ATP6V1C1: variants seen among roughly 807,000 people sequenced by gnomAD.
ATP6V1C1 encodes the protein ATPase H+ transporting V1 subunit C1.
In ATP6V1C1, 45 loss-of-function variants were observed where a neutral mutation model predicts 53.9. That is an observed-to-expected ratio of 0.83 (90% CI 0.66 to 1.07). The LOEUF (loss-of-function observed/expected upper bound fraction) is 1.07. ATP6V1C1 is among the 50% of genes least tolerant of loss of function. The probability of loss-of-function intolerance (pLI) is 0.00; values close to 1 mark genes in which losing one functional copy is unlikely to be tolerated. For synonymous variants in ATP6V1C1, 153 were observed against 155.2 expected (o/e 0.99, Z 0.11); for missense variants, 315 against 440.3 (o/e 0.72, Z 2.55).
At chr8:103,068,380 AGGTTGGTGGGATCATGCTAAATACATAT>A (rs2131407317) in intron 12 of ATP6V1C1, among the ~76,000 whole-genome samples, 1 of 152,370 alleles carries the variant, frequency 6.6e-6, no homozygotes, top group Non-Finnish European at 1.5e-5. Context: ...TACATAAAAA[AGGTTGGTGGGATCATGCTAAATACATAT>A]GCAGTCAGAA....
intron 5 of ATP6V1C1, among the ~76,000 whole-genome samples, chr8:103,052,530 T>A (rs1817218222): frequency 6.6e-6 from 1 of 152,000 alleles, no homozygotes; most frequent in Non-Finnish European, 1.5e-5. Context: ...TTGAAAAGAT[T>A]TATGTGGAAA....
chr8:103,048,902 A>T lies in ATP6V1C1; in HGVS notation c.233A>T (p.Asp78Val). 2 of 1,613,420 alleles carry T rather than the reference A, an allele frequency of 1.2e-6. No individual in the cohort carries two copies. The highest frequency in any genetic ancestry group is 1.7e-6 in the Non-Finnish European group (2 of 1,179,672). The change falls in exon 4 of 13, where the codon GAT (aspartate) becomes GTT (valine). Residue 78 changes from aspartate (D) to valine (V), a missense_variant. Physicochemically the swap from Asp to Val is radical, Grantham distance 152. Coordinates refer to ENST00000518738, the MANE Select transcript of ATP6V1C1 (RefSeq NM_001695.5). ...VVKKVAQYMA[D>V]VLEDSKDKVQ... ...AAGAAAGTAGCTCAATACATGGCTG[A>T]TGTATTGGAAGATAGCAAAGACAAA...
chr8:103,055,526 A>G (rs915067521), intron 7 of ATP6V1C1, among the ~76,000 whole-genome samples: 1 of 152,126 alleles, frequency 6.6e-6, no homozygotes, highest in African/African-American at 2.4e-5. Flanking sequence ...TGATTTTAGC[A>G]TGACCATTTT....
chr8:103,030,101 A>T (rs1232445318), intron 1 of ATP6V1C1, among the ~76,000 whole-genome samples: 1 of 152,100 alleles, frequency 6.6e-6, no homozygotes, highest in Non-Finnish European at 1.5e-5. Context: ...TTGCAAATTA[A>T]TGGCACATAA....
intron 1 of ATP6V1C1, among the ~76,000 whole-genome samples, chr8:103,036,647 AG>A (rs1258966989): frequency 6.6e-6 from 1 of 152,240 alleles, no homozygotes; most frequent in Non-Finnish European, 1.5e-5. Context: ...TGAAGTAGAT[AG>A]GGCAGGTATT....
At chr8:103,031,296 T>G (rs978408253) in intron 1 of ATP6V1C1, among the ~76,000 whole-genome samples, 1 of 152,148 alleles carries the variant, frequency 6.6e-6, no homozygotes, top group Non-Finnish European at 1.5e-5. Flanking sequence ...AGCAAGAGAC[T>G]GTGTTAGTCT....
At chr8:103,066,515 G>C in intron 12 of ATP6V1C1, 68 bp downstream of exon 12, 1 of 1,445,640 alleles carries the variant, frequency 6.9e-7, no homozygotes, top group Non-Finnish European at 9.2e-7. Context: ...ATTGAAAGAA[G>C]ATAGACAGAA....
In ATP6V1C1 at chr8:103,053,956, C is replaced by T. The variant is rs760646112; in HGVS notation, c.546C>T (p.Leu182=). 27 of 1,608,994 alleles carry T rather than the reference C, an allele frequency of 1.7e-5. No homozygotes were observed. Among genetic ancestry groups the T allele is most frequent in the South Asian group, 1.0e-4 (9 of 89,866 alleles). The change falls in exon 7 of 13, where the codon CTC becomes CTT. Residue 182 remains leucine (L), a synonymous_variant. Transcript: ENST00000518738. ...KDDFVLDSEY[L]VTLLVVVPKL... The stretch of plus-strand genomic sequence containing the variant: ...ACTTTGTTCTTGATTCAGAGTATCT[C>T]GTCACATTACTGGTAGTAGTTCCCA...
rs1817568776 is a variant in ATP6V1C1, at chr8:103,070,523, T to C, written c.*1776T>C. The C allele has an allele frequency of 6.6e-6, 1 of 152,222 alleles. No homozygotes were observed. Among genetic ancestry groups the C allele is most frequent in the Admixed American group, 6.5e-5 (1 of 15,282 alleles). The allele number at this position is 152,222 out of a possible 1,614,324, so 9.4% of individuals were successfully genotyped here. Reference sequence around the variant, plus strand: ...TTGGTTCTTTGTCTTTTGCACATGTTCTTTGAGTCTTAGTATCTGTAACGT... The same window carrying C: ...TTGGTTCTTTGTCTTTTGCACATGTCCTTTGAGTCTTAGTATCTGTAACGT... On this transcript the variant is annotated 3_prime_UTR_variant, in exon 13 of 13. Transcript: ENST00000518738.
chr8:103,031,817 G>T (rs564428461), intron 1 of ATP6V1C1, among the ~76,000 whole-genome samples: 4 of 152,256 alleles, frequency 2.6e-5, no homozygotes, highest in African/African-American at 9.6e-5. Context: ...TAACATACAT[G>T]TGATCTTGTT....
At chr8:103,027,525 TTTTATTGTC>T (rs1295900291) in intron 1 of ATP6V1C1, among the ~76,000 whole-genome samples, 1 of 152,190 alleles carries the variant, frequency 6.6e-6, no homozygotes, top group Non-Finnish European at 1.5e-5. Flanking sequence ...ATAGTTATTG[TTTTATTGTC>T]TTTATATGCA....
chr8:103,045,458 A>C (rs1219703067), intron 3 of ATP6V1C1, among the ~76,000 whole-genome samples: 1 of 152,248 alleles, frequency 6.6e-6, no homozygotes. Context: ...GGGACCAGAC[A>C]CTTGGCTCTT....
chr8:103,051,410 A>G (rs751121905), intron 5 of ATP6V1C1, among the ~76,000 whole-genome samples: 3 of 152,176 alleles, frequency 2.0e-5, no homozygotes, highest in Admixed American at 6.6e-5. Flanking sequence ...CTGTATTTAT[A>G]CAAATTTTAA....
chr8:103,071,232 C>G lies in ATP6V1C1; in HGVS notation c.*2485C>G, dbSNP rs1442919904. The G allele has an allele frequency of 6.6e-6, 1 of 152,210 alleles. No homozygotes were observed. Among genetic ancestry groups the G allele is most frequent in the African/African-American group, 2.4e-5 (1 of 41,440 alleles). 9.4% of individuals were successfully genotyped at this position (152,210 alleles called of 1,614,324 possible). A position where few individuals can be genotyped will look rare whatever the true frequency, so the allele number is the denominator to read the frequency against. On this transcript the variant is annotated 3_prime_UTR_variant, in exon 13 of 13. Transcript: ENST00000518738. ...CCTTCCCGAGGAGTCTGCTGGTTCTCCTTGAGGATAGTGCTTAGATAACAG... is the reference window on the plus strand; with the variant it reads ...CCTTCCCGAGGAGTCTGCTGGTTCTGCTTGAGGATAGTGCTTAGATAACAG...
At chr8:103,047,091 A>G (rs755965418) in intron 3 of ATP6V1C1, among the ~76,000 whole-genome samples, 11 of 152,248 alleles carry the variant, frequency 7.2e-5, no homozygotes, top group Non-Finnish European at 1.5e-4. Context: ...ATAGGCAAGT[A>G]TATGTATAAA....
chr8:103,042,481 T>C, intron 3 of ATP6V1C1, 74 bp downstream of exon 3: 1 of 1,438,336 alleles, frequency 7.0e-7, no homozygotes. Flanking sequence ...ACTGGGTTTA[T>C]TATCACATGT....
At chr8:103,066,572 T>C (rs1817494987) in intron 12 of ATP6V1C1, 125 bp downstream of exon 12, 7 of 1,079,332 alleles carry the variant, frequency 6.5e-6, no homozygotes, top group Non-Finnish European at 8.8e-6. Context: ...TACTTTGAGG[T>C]TCTCAATTTG....
Position 103,062,386 on chromosome 8 carries a change from G to T in ATP6V1C1, c.642-569G>T, listed in dbSNP as rs917402706. ...CAGTCTTGCCATGTTGCCCAGGCTG[G>T]TCTCAAAGTCCTGAACTCAAGCAAT... On this transcript the variant is annotated intron_variant, in intron 8 of 12. Coordinates refer to ENST00000518738, the MANE Select transcript of ATP6V1C1 (RefSeq NM_001695.5). Among the ~76,000 whole-genome samples the T allele has an allele frequency of 2.0e-5, 3 of 151,874 alleles. No homozygotes were observed. In the South Asian group the frequency reaches 6.3e-4, roughly 32 times the overall value.
chr8:103,050,028 A>G (rs749977995), intron 4 of ATP6V1C1, among the ~76,000 whole-genome samples: 1 of 152,150 alleles, frequency 6.6e-6, no homozygotes, highest in Non-Finnish European at 1.5e-5. Flanking sequence ...CACCTACTCT[A>G]ATAAGGTTAC....
Sources: gnomAD v4.1 joint callset for allele counts (sites outside exome capture counted in the v4.1 genomes callset) on GRCh38, gnomAD v4.1.1 for gene constraint, MANE v1.5 for transcripts, NCBI Gene and HGNC (gene_info 2026-07-23, HGNC 2026-07-21) for gene names.